ALK: variants seen among roughly 807,000 people sequenced by gnomAD.
ALK encodes the protein ALK tyrosine kinase receptor.
A neutral mutation model predicts 163.1 loss-of-function variants in ALK; 74 were observed. That is an observed-to-expected ratio of 0.45 (90% CI 0.38 to 0.55). The LOEUF is 0.55. Ranked by LOEUF, ALK falls within the 20% of genes least tolerant of loss-of-function variation. The probability of loss-of-function intolerance (pLI) is 0.00; values close to 1 mark genes in which losing one functional copy is unlikely to be tolerated. For missense variants in ALK, 2,063 were observed against 2,105.3 expected, an observed-to-expected ratio of 0.98 and a Z score of 0.39; for synonymous variants, 960 against 843.2, an observed-to-expected ratio of 1.14 and a Z score of -2.40.
rs1346918166 is a variant in ALK, at chr2:29,297,267, A to AT, written c.1648-211dup. On this transcript the variant is annotated intron_variant, in intron 8 of 28. Coordinates refer to ENST00000389048, the MANE Select transcript of ALK (RefSeq NM_004304.5). The stretch of plus-strand genomic sequence containing the variant: ...CTAGGATAACTGAACGAATCTGTTA[A>AT]TTTTTTTTCTTGGGCAGGGACAACT... Among the ~76,000 whole-genome samples, 5 of 151,906 alleles carry AT rather than the reference A, an allele frequency of 3.3e-5. No homozygotes were observed. The East Asian group carries it at 7.7e-4, about 23-fold the overall frequency.
intron 1 of ALK, among the ~76,000 whole-genome samples, chr2:29,915,400 A>AAT (rs1667810323): frequency 6.6e-6 from 1 of 152,118 alleles, no homozygotes; most frequent in Non-Finnish European, 1.5e-5. Flanking sequence ...TTTTATTTTT[A>AAT]GTAGAGACAG....
intron 4 of ALK, among the ~76,000 whole-genome samples, chr2:29,440,868 A>G (rs1335931641): frequency 6.6e-6 from 1 of 152,210 alleles, no homozygotes; most frequent in Non-Finnish European, 1.5e-5. Flanking sequence ...TTAAATTATC[A>G]TAGAGAACTC....
intron 1 of ALK, among the ~76,000 whole-genome samples, chr2:29,775,351 C>G (rs574120397): frequency 6.6e-6 from 1 of 152,084 alleles, no homozygotes; most frequent in East Asian, 1.9e-4. Flanking sequence ...AACAAAACAC[C>G]TGACAGTCTT....
At chr2:29,603,757 G>A (rs1015932179) in intron 3 of ALK, among the ~76,000 whole-genome samples, 1 of 152,090 alleles carries the variant, frequency 6.6e-6, no homozygotes, top group African/African-American at 2.4e-5. Context: ...AGCACTGGTA[G>A]GTCAGTGATG....
intron 4 of ALK, among the ~76,000 whole-genome samples, chr2:29,521,134 G>C (rs1044637045): frequency 6.6e-5 from 10 of 152,324 alleles, no homozygotes; most frequent in African/African-American, 2.2e-4. Flanking sequence ...ATGGCCCACA[G>C]GTCTTTCCTT....
At chr2:29,365,253 G>A (rs1318359446) in intron 5 of ALK, among the ~76,000 whole-genome samples, 2 of 152,222 alleles carry the variant, frequency 1.3e-5, no homozygotes, top group East Asian at 3.8e-4. Context: ...TGAGCAGCAG[G>A]TAATTTAAGG....
Position 29,920,219 on chromosome 2 carries a change from C to G in ALK, c.441G>C (p.Glu147Asp), listed in dbSNP as rs753249468. The G allele has an allele frequency of 1.2e-6, 2 of 1,612,662 alleles. No individual in the cohort carries two copies. The highest frequency in any genetic ancestry group is 1.1e-5 in the South Asian group (1 of 90,968). Residue 147 changes from glutamate (E) to aspartate (D), a missense_variant, in exon 1 of 29, where the codon GAG (glutamate) becomes GAC (aspartate). Coordinates refer to ENST00000389048, the MANE Select transcript of ALK (RefSeq NM_004304.5). ...RAKQLVLELG[E>D]EAILEGCVGP... ...CGACGCAACCCTCCAAGATCGCCTC[C>G]TCGCCCAGCTCCAGCACCAACTGCT... is the stretch of plus-strand genomic sequence containing the variant.
intron 3 of ALK, among the ~76,000 whole-genome samples, chr2:29,660,347 T>C (rs1677312240): frequency 6.6e-6 from 1 of 152,166 alleles, no homozygotes; most frequent in Admixed American, 6.5e-5. Context: ...GCCCAATTTG[T>C]TCAGAGGAAC....
intron 3 of ALK, among the ~76,000 whole-genome samples, chr2:29,572,507 G>A (rs1470146910): frequency 6.6e-6 from 1 of 152,136 alleles, no homozygotes; most frequent in Non-Finnish European, 1.5e-5. Flanking sequence ...TGCCCTGCAT[G>A]CCTGGTATGC....
intron 2 of ALK, among the ~76,000 whole-genome samples, chr2:29,696,730 G>C (rs988843954): frequency 6.6e-6 from 1 of 151,668 alleles, no homozygotes; most frequent in African/African-American, 2.4e-5. Context: ...CACACGTGTC[G>C]TATGAAGAGC....
At chr2:29,491,754 G>C (rs1031148107) in intron 4 of ALK, among the ~76,000 whole-genome samples, 1 of 152,122 alleles carries the variant, frequency 6.6e-6, no homozygotes, top group Non-Finnish European at 1.5e-5. Flanking sequence ...GTTAGTGCCA[G>C]CAGGAGAGGC....
In ALK at chr2:29,482,795, T is replaced by A. The variant is rs182453867; in HGVS notation, c.1154+49120A>T. ...AACTGAGAAACTCTGAGACCTGGTC[T>A]TTGGATAAGAAAGTTCTTTAGTCTT... On this transcript the variant is annotated intron_variant, in intron 4 of 28. Transcript: ENST00000389048. Among the ~76,000 whole-genome samples the A allele has an allele frequency of 2.6e-5, 4 of 152,218 alleles. No individual in the cohort carries two copies. In the East Asian group the frequency reaches 7.7e-4, roughly 29 times the overall value.
intron 4 of ALK, among the ~76,000 whole-genome samples, chr2:29,420,344 T>C (rs1402023688): frequency 1.3e-5 from 2 of 151,378 alleles, no homozygotes; most frequent in Non-Finnish European, 2.9e-5. Context: ...TTACAGATAT[T>C]TGAAGGTTTT....
At chr2:29,467,912 A>C (rs922186698) in intron 4 of ALK, among the ~76,000 whole-genome samples, 1 of 152,122 alleles carries the variant, frequency 6.6e-6, no homozygotes. Context: ...GTTATGTAAC[A>C]TATTTATTAT....
intron 4 of ALK, among the ~76,000 whole-genome samples, chr2:29,422,704 G>T (rs1426193550): frequency 6.6e-6 from 1 of 152,070 alleles, no homozygotes; most frequent in East Asian, 1.9e-4. Flanking sequence ...GACATCTCTT[G>T]CCAGCTGCTA....
At chr2:29,454,186 T>C (rs923420973) in intron 4 of ALK, among the ~76,000 whole-genome samples, 1 of 152,178 alleles carries the variant, frequency 6.6e-6, no homozygotes, top group Non-Finnish European at 1.5e-5. Context: ...GAATTGAATT[T>C]ATTTTCAACT....
intron 3 of ALK, among the ~76,000 whole-genome samples, chr2:29,633,362 G>T (rs1199751676): frequency 1.3e-5 from 2 of 152,068 alleles, no homozygotes; most frequent in East Asian, 3.9e-4. Context: ...GAAGTCTCAA[G>T]TAAATTTAAA....
At chr2:29,884,249 A>G (rs1666935595) in intron 1 of ALK, among the ~76,000 whole-genome samples, 1 of 152,228 alleles carries the variant, frequency 6.6e-6, no homozygotes, top group South Asian at 2.1e-4. Flanking sequence ...TAGTTCTCAC[A>G]TATTATTCAT....
intron 4 of ALK, among the ~76,000 whole-genome samples, chr2:29,461,477 T>C (rs1671082121): frequency 6.6e-6 from 1 of 152,182 alleles, no homozygotes; most frequent in Non-Finnish European, 1.5e-5. Context: ...GACTTGTAAG[T>C]TACAAACAAT....
Sources: allele counts gnomAD v4.1 joint callset (sites outside exome capture counted in the v4.1 genomes callset), GRCh38; gene constraint gnomAD v4.1.1; transcripts MANE v1.5; gene names NCBI Gene and HGNC (gene_info 2026-07-23, HGNC 2026-07-21).